PRKAG2: variants seen among roughly 807,000 people sequenced by gnomAD.
The protein encoded by PRKAG2 is protein kinase AMP-activated non-catalytic subunit gamma 2, also known as 5'-AMP-activated protein kinase subunit gamma-2.
PRKAG2 carries 26 observed loss-of-function variants against 69.6 expected under a neutral mutation model. That is an observed-to-expected ratio of 0.37 (90% CI 0.27 to 0.52). The LOEUF is 0.52. Ranked by LOEUF, PRKAG2 falls within the 20% of genes least tolerant of loss-of-function variation. PRKAG2 has a pLI of 0.90. For synonymous variants in PRKAG2, 293 were observed against 285.0 expected (o/e 1.03, Z -0.28); for missense variants, 557 against 740.0 (o/e 0.75, Z 2.87).
intron 15 of PRKAG2, 120 bp downstream of exon 15, chr7:151,560,404 T>C: frequency 6.3e-7 from 1 of 1,599,588 alleles, no homozygotes; most frequent in Non-Finnish European, 8.5e-7. Context: ...TTCAAAGTAA[T>C]ATACTCAAAG....
At chr7:151,657,856 T>C (rs990485996) in intron 4 of PRKAG2, among the ~76,000 whole-genome samples, 11 of 152,190 alleles carry the variant, frequency 7.2e-5, no homozygotes, top group African/African-American at 2.4e-4. Flanking sequence ...TAAACAATAT[T>C]GTGTTTAAAG....
At position 151,632,290 on chromosome 7, in the gene PRKAG2, CGG is replaced by C; in HGVS notation, c.685-154_685-153del. ...GGACGCGGGCAGCGGGGGCCGGGGG[CGG>C]AGCGGGAGCGCTGCCCCCACCCGCC... On this transcript the variant is annotated intron_variant, in intron 4 of 15. Coordinates refer to ENST00000287878, the MANE Select transcript of PRKAG2 (RefSeq NM_016203.4). This position sits in a 1 kb window ranked among gnomAD's most constrained non-coding sequence, Gnocchi z 4.2. 1 of 967,974 alleles carries C rather than the reference CGG, an allele frequency of 1.0e-6. No individual in the cohort carries two copies. Among genetic ancestry groups the C allele is most frequent in the Non-Finnish European group, 1.2e-6 (1 of 813,356 alleles). 60.0% of individuals were successfully genotyped at this position (967,974 alleles called of 1,614,324 possible).
At chr7:151,615,763 T>C (rs1399158276) in intron 5 of PRKAG2, among the ~76,000 whole-genome samples, 1 of 152,126 alleles carries the variant, frequency 6.6e-6, no homozygotes, top group African/African-American at 2.4e-5. Context: ...AGGACATGAA[T>C]GGACATTTTT....
Position 151,632,238 on chromosome 7 carries a change from C to G in PRKAG2, c.685-100G>C. The G allele has an allele frequency of 2.5e-5, 27 of 1,086,084 alleles. No individual in the cohort carries two copies. Among genetic ancestry groups the G allele is most frequent in the Non-Finnish European group, 3.0e-5 (27 of 895,236 alleles). 67.3% of individuals were successfully genotyped at this position (1,086,084 alleles called of 1,614,324 possible). A position where few individuals can be genotyped will look rare whatever the true frequency, so the allele number is the denominator to read the frequency against. On this transcript the variant is annotated intron_variant, in intron 4 of 15. Transcript: ENST00000287878. The surrounding 1 kb of genome is among the most constrained non-coding windows in gnomAD (Gnocchi z 4.2). ...CGAGCGCTGGGGCCTGGCTCTGCCG[C>G]GCCGCCGGGAGGAGGGGCCTGGCAG...
chr7:151,761,261 G>A (rs185845187), intron 3 of PRKAG2, among the ~76,000 whole-genome samples: 35 of 152,300 alleles, frequency 2.3e-4, no homozygotes, highest in African/African-American at 7.5e-4. Flanking sequence ...ATGAGAGGCC[G>A]CAAGGTTAGG....
At chr7:151,637,333 A>T (rs144554820) in intron 4 of PRKAG2, among the ~76,000 whole-genome samples, 1 of 152,336 alleles carries the variant, frequency 6.6e-6, no homozygotes, top group Admixed American at 6.5e-5. Flanking sequence ...ATTTAAAAAA[A>T]TTCTTACCGG....
At chr7:151,808,005 G>A (rs1372051627) in intron 1 of PRKAG2, among the ~76,000 whole-genome samples, 1 of 152,068 alleles carries the variant, frequency 6.6e-6, no homozygotes, top group East Asian at 1.9e-4. Context: ...CTTTCCCTCT[G>A]CCCAAGTGAG....
At chr7:151,757,308 CT>C (rs2151749771) in intron 3 of PRKAG2, among the ~76,000 whole-genome samples, 1 of 152,278 alleles carries the variant, frequency 6.6e-6, no homozygotes, top group African/African-American at 2.4e-5. Context: ...GAAGAGCTGT[CT>C]GTGATCCAAC....
intron 5 of PRKAG2, among the ~76,000 whole-genome samples, chr7:151,621,163 C>G (rs1057019114): frequency 2.6e-5 from 4 of 152,202 alleles, no homozygotes; most frequent in African/African-American, 9.6e-5. Flanking sequence ...CGCTTGTTTT[C>G]TTCTTTGTGT....
At chr7:151,664,618 G>A (rs537174075) in intron 4 of PRKAG2, among the ~76,000 whole-genome samples, 2 of 152,146 alleles carry the variant, frequency 1.3e-5, no homozygotes, top group Non-Finnish European at 2.9e-5. Context: ...TATCATGATG[G>A]TTTCTTAGAC....
At chr7:151,687,244 A>T (rs75066733) in intron 3 of PRKAG2, among the ~76,000 whole-genome samples, 1 of 152,130 alleles carries the variant, frequency 6.6e-6, no homozygotes, top group African/African-American at 2.4e-5. Flanking sequence ...GTTCTACATC[A>T]TGGACCCAAA....
intron 3 of PRKAG2, among the ~76,000 whole-genome samples, chr7:151,678,192 C>T (rs767866866): frequency 3.3e-5 from 5 of 152,228 alleles, no homozygotes; most frequent in Non-Finnish European, 7.3e-5. Context: ...TATGTTACCA[C>T]TTAATGACAA....
intron 1 of PRKAG2, among the ~76,000 whole-genome samples, chr7:151,795,634 T>G (rs537529475): frequency 5.3e-4 from 81 of 152,090 alleles, no homozygotes; most frequent in Middle Eastern, 6.8e-3. Flanking sequence ...CTACAGTCAG[T>G]GACTTGAAGT....
chr7:151,578,206 A>G (rs920375239), intron 6 of PRKAG2, among the ~76,000 whole-genome samples: 16 of 152,066 alleles, frequency 1.1e-4, no homozygotes, highest in Admixed American at 7.9e-4. Flanking sequence ...TTAGCTGGGC[A>G]TGGTGGCGCA....
intron 5 of PRKAG2, among the ~76,000 whole-genome samples, chr7:151,625,409 G>A (rs987900570): frequency 6.6e-6 from 1 of 152,152 alleles, no homozygotes; most frequent in Non-Finnish European, 1.5e-5. Context: ...GGCTGGGGAG[G>A]GAGGAGAAGG....
chr7:151,767,612 G>A (rs1036794290), intron 3 of PRKAG2, among the ~76,000 whole-genome samples: 2 of 152,206 alleles, frequency 1.3e-5, no homozygotes, highest in Admixed American at 6.5e-5. Context: ...TTTAATGCAC[G>A]CAGTTTGTGG....
At position 151,814,360 on chromosome 7, in the gene PRKAG2, C is replaced by A; in HGVS notation, c.115-27819G>T. 2 of 1,160,382 alleles carry A rather than the reference C, an allele frequency of 1.7e-6. No homozygotes were observed. The highest frequency in any genetic ancestry group is 3.5e-5 in the East Asian group (1 of 28,766). The allele number at this position is 1,160,382 out of a possible 1,614,324, so 71.9% of individuals were successfully genotyped here. ...CATCGTGAGGGGGAAAACCGCACAC[C>A]CAGGGACGCACAATCACTATGCATT... On this transcript the variant is annotated intron_variant, in intron 1 of 15. Transcript: ENST00000287878. This position sits in a 1 kb window ranked among gnomAD's most constrained non-coding sequence, Gnocchi z 4.8.
At chr7:151,837,684 G>A (rs2079177884) in intron 1 of PRKAG2, among the ~76,000 whole-genome samples, 1 of 152,112 alleles carries the variant, frequency 6.6e-6, no homozygotes, top group Non-Finnish European at 1.5e-5. Context: ...TTTTCTCAGG[G>A]GGCTCTTAAG....
chr7:151,594,649 C>T (rs975096845), intron 6 of PRKAG2, among the ~76,000 whole-genome samples: 2 of 152,066 alleles, frequency 1.3e-5, no homozygotes, highest in South Asian at 4.2e-4. Context: ...CTAAGAAAGA[C>T]CATGAGGATA....
Sources: allele counts gnomAD v4.1 joint callset (sites outside exome capture counted in the v4.1 genomes callset), GRCh38; gene constraint gnomAD v4.1.1; non-coding constraint Gnocchi (gnomAD v3.1); transcripts MANE v1.5; gene names NCBI Gene and HGNC (gene_info 2026-07-23, HGNC 2026-07-21).